PALD1: variants seen among roughly 807,000 people sequenced by gnomAD.
PALD1 encodes phosphatase domain containing paladin 1.
In PALD1, 57 loss-of-function variants were observed where a neutral mutation model predicts 96.0. The ratio of observed to expected loss-of-function variants is 0.59; its 90% CI spans 0.48 to 0.74. The LOEUF is 0.74. PALD1 is among the 30% of genes least tolerant of loss of function. The probability of loss-of-function intolerance (pLI) is 0.00; values close to 1 mark genes in which losing one functional copy is unlikely to be tolerated. For synonymous variants in PALD1, 464 were observed against 473.6 expected, an observed-to-expected ratio of 0.98 and a Z score of 0.26; for missense variants, 1,063 against 1,143.7, an observed-to-expected ratio of 0.93 and a Z score of 1.02.
chr10:70,527,688 G>T (rs11819622), intron 2 of PALD1, among the ~76,000 whole-genome samples: 14,134 of 152,236 alleles, frequency 0.093, 857 homozygotes, highest in South Asian at 0.17. Context: ...TGCTCCCCAT[G>T]GGTCACGTGG....
At position 70,566,877 on chromosome 10, in the gene PALD1, G is replaced by C. The variant is rs530075988; in HGVS notation, c.*144G>C. On this transcript the variant is annotated 3_prime_UTR_variant, in exon 20 of 20. Transcript: ENST00000263563. ...CTGGAGAGACTGAGCGGAGTTGGGA[G>C]CCTTTTTAGAAAGAACTTTTTATAG... is the stretch of plus-strand genomic sequence containing the variant. 1.1e-4 allele frequency: 66 copies of C among 601,110 alleles called. 1 individual carries two copies. The South Asian group carries it at 1.4e-3, about 13-fold the overall frequency. 37.2% of individuals were successfully genotyped at this position (601,110 alleles called of 1,614,324 possible). A position where few individuals can be genotyped will look rare whatever the true frequency, so the allele number is the denominator to read the frequency against.
chr10:70,505,681 T>C (rs1846374116), intron 1 of PALD1, among the ~76,000 whole-genome samples: 1 of 151,962 alleles, frequency 6.6e-6, no homozygotes, highest in South Asian at 2.1e-4. Context: ...CAAATACTCA[T>C]ATCTGAAAAC....
At chr10:70,490,999 G>C (rs376258947) in intron 1 of PALD1, among the ~76,000 whole-genome samples, 84 of 152,114 alleles carry the variant, frequency 5.5e-4, no homozygotes, top group African/African-American at 1.9e-3. Context: ...CTGTCGCCCA[G>C]GCATGGTGCG....
intron 18 of PALD1, among the ~76,000 whole-genome samples, chr10:70,563,552 C>T (rs1158992358): frequency 6.6e-6 from 1 of 152,256 alleles, no homozygotes; most frequent in Non-Finnish European, 1.5e-5. Flanking sequence ...CTCCCAACCC[C>T]TCTCCTGAGC....
intron 18 of PALD1, among the ~76,000 whole-genome samples, chr10:70,562,642 A>G (rs944614036): frequency 2.0e-5 from 3 of 152,162 alleles, no homozygotes; most frequent in Admixed American, 6.5e-5. Flanking sequence ...CCCCTGTGCC[A>G]CGTCCTCTTC....
chr10:70,536,810 C>G (rs1465975948), intron 10 of PALD1, among the ~76,000 whole-genome samples: 1 of 152,228 alleles, frequency 6.6e-6, no homozygotes, highest in Non-Finnish European at 1.5e-5. Context: ...TTTAGGGCCT[C>G]TGTGAATCTC....
At chr10:70,515,457 G>A (rs1401373420) in intron 1 of PALD1, among the ~76,000 whole-genome samples, 1 of 152,244 alleles carries the variant, frequency 6.6e-6, no homozygotes, top group Non-Finnish European at 1.5e-5. Flanking sequence ...CTGCCCTGCT[G>A]GCTGCCTTGG....
the PALD1 span, among the ~76,000 whole-genome samples, chr10:70,465,005 C>T: frequency 6.9e-5 from 10 of 144,264 alleles, no homozygotes; most frequent in Non-Finnish European, 1.2e-4. Context: ...GATGGAGTCT[C>T]GCTCTGTTGC....
chr10:70,479,597 T>A (rs1162499919), intron 1 of PALD1, among the ~76,000 whole-genome samples: 2 of 152,208 alleles, frequency 1.3e-5, no homozygotes, highest in East Asian at 1.9e-4. Context: ...AGGGTTTTCC[T>A]GAAGGGGCAG....
upstream of PALD1, among the ~76,000 whole-genome samples, chr10:70,476,209 A>T (rs1308273911): frequency 6.6e-6 from 1 of 152,152 alleles, no homozygotes; most frequent in Non-Finnish European, 1.5e-5. Context: ...CAGATTTCTC[A>T]GGAATCTTCT....
At chr10:70,478,564 T>C (rs1284432717), upstream of PALD1, among the ~76,000 whole-genome samples, 1 of 152,152 alleles carries the variant, frequency 6.6e-6, no homozygotes, top group East Asian at 1.9e-4. Context: ...CGCCCCAAAC[T>C]TTTCCTCCTC....
chr10:70,564,625 A>T, intron 19 of PALD1, 106 bp downstream of exon 19: 1 of 1,024,110 alleles, frequency 9.8e-7, no homozygotes. Flanking sequence ...ACCCCGTGAC[A>T]GGCGGGAAGA....
chr10:70,520,837 G>A (rs1014921887), intron 1 of PALD1, among the ~76,000 whole-genome samples: 25 of 151,692 alleles, frequency 1.6e-4, no homozygotes, highest in African/African-American at 4.1e-4. Flanking sequence ...GATTACAGGC[G>A]CCTGCCAGCA....
upstream of PALD1, among the ~76,000 whole-genome samples, chr10:70,477,099 G>C (rs1438644538): frequency 6.6e-6 from 1 of 152,134 alleles, no homozygotes; most frequent in African/African-American, 2.4e-5. Flanking sequence ...TCCTACCTTA[G>C]TCCTGGCCTA....
rs139667988 is a variant in PALD1 at position 70,536,646 on chromosome 10, T to C, written c.1228-1165T>C. ...CTCTGCTGGCCCACGACTGCTCTTA[T>C]GCTGGGATGGCAGAGTTCAGTAGCT... is the stretch of plus-strand genomic sequence containing the variant. On this transcript the variant is annotated intron_variant, in intron 10 of 19. Transcript: ENST00000263563. Among the ~76,000 whole-genome samples, 861 of 152,344 alleles carry C rather than the reference T, an allele frequency of 5.7e-3. 8 individuals carry two copies. The highest frequency in any genetic ancestry group is 0.017 in the African/African-American group (724 of 41,582).
At position 70,564,377 on chromosome 10, in the gene PALD1, AAG is replaced by A; in HGVS notation, c.2279_2280del (p.Glu760GlyfsTer58). The A allele has an allele frequency of 6.2e-7, 1 of 1,613,620 alleles. No homozygotes were observed. On this transcript the variant is annotated frameshift_variant, in exon 19 of 20. Transcript: ENST00000263563. LOFTEE classifies it high-confidence loss of function. Reference sequence around the variant, plus strand: ...CCTGTCCTCCAGGCGAAGGCAGCGAAAGAGGCGCAAGAAATGCGGAGGCTGCA... The same window carrying A: ...CCTGTCCTCCAGGCGAAGGCAGCGAAAGGCGCAAGAAATGCGGAGGCTGCA...
At chr10:70,472,421 T>G in the PALD1 span, among the ~76,000 whole-genome samples, 3 of 152,102 alleles carry the variant, frequency 2.0e-5, no homozygotes, top group Non-Finnish European at 4.4e-5. Flanking sequence ...CCACCATGCC[T>G]GGCTAATTTT....
chr10:70,468,791 C>T, the PALD1 span, among the ~76,000 whole-genome samples: 7 of 150,264 alleles, frequency 4.7e-5, no homozygotes, highest in Non-Finnish European at 8.8e-5. Context: ...GGCTGGAGTG[C>T]AGTGGTGTGA....
chr10:70,480,388 G>T (rs532899546), intron 1 of PALD1, among the ~76,000 whole-genome samples: 1 of 152,176 alleles, frequency 6.6e-6, no homozygotes, highest in Non-Finnish European at 1.5e-5. Flanking sequence ...GTCGCGGGGG[G>T]TTGGGGTAGG....
Sources: allele counts gnomAD v4.1 joint callset (sites outside exome capture counted in the v4.1 genomes callset), GRCh38; gene constraint gnomAD v4.1.1; transcripts MANE v1.5; gene names NCBI Gene and HGNC (gene_info 2026-07-23, HGNC 2026-07-21).